SCN9A: variants seen among roughly 807,000 people sequenced by gnomAD.
The protein encoded by SCN9A is sodium channel protein type 9 subunit alpha.
In SCN9A, 131 loss-of-function variants were observed where a neutral mutation model predicts 187.0. That is an observed-to-expected ratio of 0.70 (90% CI 0.61 to 0.81). The LOEUF (loss-of-function observed/expected upper bound fraction) is 0.81. Among genes scored for constraint, SCN9A ranks in the 30% least tolerant of loss-of-function variants. The probability of loss-of-function intolerance (pLI) is 0.00; values close to 1 mark genes in which losing one functional copy is unlikely to be tolerated. For missense variants in SCN9A, 2,252 were observed against 2,396.6 expected (o/e 0.94, Z 1.26); for synonymous variants, 809 against 808.6 (o/e 1.00, Z -0.01).
At chr2:166,360,236 G>C (rs201589695) in intron 1 of SCN9A, among the ~76,000 whole-genome samples, 1 of 43,836 alleles carries the variant, frequency 2.3e-5, no homozygotes. Context: ...AAAAAAAAAA[G>C]AAAAAAAAAA....
At chr2:166,256,190 G>A (rs1696266584) in intron 17 of SCN9A, among the ~76,000 whole-genome samples, 1 of 150,920 alleles carries the variant, frequency 6.6e-6, no homozygotes, top group Non-Finnish European at 1.5e-5. Flanking sequence ...TTTTCCTTCT[G>A]GAGAAATGTG....
chr2:166,293,661 A>T (rs572949523), intron 8 of SCN9A, among the ~76,000 whole-genome samples: 1 of 152,326 alleles, frequency 6.6e-6, no homozygotes, highest in African/African-American at 2.4e-5. Flanking sequence ...CTGCACATAG[A>T]AAGTGTTTAA....
At chr2:166,240,671 C>A (rs1695526441) in intron 19 of SCN9A, among the ~76,000 whole-genome samples, 2 of 152,114 alleles carry the variant, frequency 1.3e-5, no homozygotes, top group South Asian at 4.1e-4. Flanking sequence ...TAGAGCTTTT[C>A]TGATCACATT....
intron 24 of SCN9A, among the ~76,000 whole-genome samples, chr2:166,220,366 G>A (rs944533758): frequency 2.6e-5 from 4 of 152,188 alleles, no homozygotes; most frequent in Non-Finnish European, 5.9e-5. Context: ...AGGTGTTTAA[G>A]TTATGAGAAT....
At position 166,197,049 on chromosome 2, in the gene SCN9A, A is replaced by G. The variant is rs1008494092; in HGVS notation, c.*1623T>C. The G allele has an allele frequency of 6.6e-6, 1 of 151,612 alleles. No homozygotes were observed. The highest frequency in any genetic ancestry group is 1.5e-5 in the Non-Finnish European group (1 of 67,762). The allele number at this position is 151,612 out of a possible 1,614,324, so 9.4% of individuals were successfully genotyped here. On this transcript the variant is annotated 3_prime_UTR_variant, in exon 27 of 27. Coordinates refer to ENST00000642356, the MANE Select transcript of SCN9A (RefSeq NM_001365536.1). ...AAAATATGTGCTTTAAACATTTATT[A>G]TATAAATGTAATTTATTATTTTTTA...
intron 18 of SCN9A, among the ~76,000 whole-genome samples, chr2:166,245,493 G>A (rs1047141598): frequency 6.6e-6 from 1 of 151,728 alleles, no homozygotes; most frequent in Non-Finnish European, 1.5e-5. Flanking sequence ...AGTTTTATAA[G>A]AAGTGATAAA....
At chr2:166,238,682 T>C (rs939773478) in intron 19 of SCN9A, among the ~76,000 whole-genome samples, 3 of 152,210 alleles carry the variant, frequency 2.0e-5, no homozygotes, top group Non-Finnish European at 2.9e-5. Flanking sequence ...CAGTAGGATG[T>C]GGAGCCTGTC....
At chr2:166,325,760 T>C (rs559995442) in intron 1 of SCN9A, among the ~76,000 whole-genome samples, 22 of 152,274 alleles carry the variant, frequency 1.4e-4, no homozygotes, top group African/African-American at 5.3e-4. Context: ...AAAAGAAATG[T>C]ATTTGACTCT....
intron 1 of SCN9A, among the ~76,000 whole-genome samples, chr2:166,359,255 A>C (rs938989834): frequency 1.3e-5 from 2 of 152,122 alleles, no homozygotes; most frequent in African/African-American, 4.8e-5. Flanking sequence ...GAAAATTTCT[A>C]TTTTTATTTT....
intron 17 of SCN9A, among the ~76,000 whole-genome samples, chr2:166,271,083 T>G (rs139223288): frequency 6.6e-6 from 1 of 151,980 alleles, no homozygotes; most frequent in Non-Finnish European, 1.5e-5. Context: ...AAAAAAAGGT[T>G]TTAAAGAGTT....
chr2:166,226,745 A>T (rs1694858879), intron 23 of SCN9A, 41 bp from the exon 24 acceptor site: 2 of 1,451,482 alleles, frequency 1.4e-6, no homozygotes, highest in African/African-American at 2.9e-5. Context: ...GGACAGTAAC[A>T]TTCATTATTT....
chr2:166,265,921 G>A (rs781057597), intron 17 of SCN9A, among the ~76,000 whole-genome samples: 2 of 151,320 alleles, frequency 1.3e-5, no homozygotes, highest in Non-Finnish European at 3.0e-5. Flanking sequence ...TTTTTTTGTC[G>A]TTGTTGAGTT....
intron 22 of SCN9A, 46 bp downstream of exon 22, chr2:166,228,645 C>T (rs1694948874): frequency 9.0e-6 from 13 of 1,440,352 alleles, no homozygotes; most frequent in Non-Finnish European, 1.1e-5. Context: ...TATCCTTCGT[C>T]CAATATCTAT....
At chr2:166,231,913 G>A (rs1035477092) in intron 21 of SCN9A, among the ~76,000 whole-genome samples, 2 of 152,118 alleles carry the variant, frequency 1.3e-5, no homozygotes, top group African/African-American at 4.8e-5. Flanking sequence ...AAGGTAGGGA[G>A]GCAGTTAAGT....
Position 166,281,660 on chromosome 2 carries a change from A to G in SCN9A, c.2104+19T>C, listed in dbSNP as rs1337605300. 6.2e-7 allele frequency: 1 copy of G among 1,607,744 alleles called. No homozygotes were observed. Among genetic ancestry groups the G allele is most frequent in the African/African-American group, 1.3e-5 (1 of 74,738 alleles). Reference sequence around the variant, plus strand: ...ATTTTATTTAAGAATCTGTACAGTAAAAGAAGATTATTACATACCTTCCAC... The same window carrying G: ...ATTTTATTTAAGAATCTGTACAGTAGAAGAAGATTATTACATACCTTCCAC... On this transcript the variant is annotated intron_variant, in intron 13 of 26. Transcript: ENST00000642356.
chr2:166,235,167 G>A (rs185833743), intron 20 of SCN9A, among the ~76,000 whole-genome samples: 3 of 152,016 alleles, frequency 2.0e-5, no homozygotes, highest in East Asian at 3.9e-4. Flanking sequence ...GCAATAAAAG[G>A]TAGACTAAGA....
chr2:166,256,285 A>C (rs1185434385), intron 17 of SCN9A, among the ~76,000 whole-genome samples: 1 of 151,262 alleles, frequency 6.6e-6, no homozygotes, highest in Non-Finnish European at 1.5e-5. Flanking sequence ...CTTGAGTGTA[A>C]TCACATTTCT....
chr2:166,216,830 A>G (rs1694349815), intron 24 of SCN9A, among the ~76,000 whole-genome samples: 1 of 152,088 alleles, frequency 6.6e-6, no homozygotes, highest in Non-Finnish European at 1.5e-5. Context: ...CTACAGATTC[A>G]ATGCAATCCC....
intron 7 of SCN9A, 93 bp from the exon 8 acceptor site, chr2:166,294,755 T>C: frequency 1.3e-6 from 1 of 793,070 alleles, no homozygotes; most frequent in Non-Finnish European, 1.9e-6. Context: ...GACATTTATC[T>C]ACAAATTCAG....
Sources: allele counts gnomAD v4.1 joint callset (sites outside exome capture counted in the v4.1 genomes callset), GRCh38; gene constraint gnomAD v4.1.1; transcripts MANE v1.5; gene names NCBI Gene and HGNC (gene_info 2026-07-23, HGNC 2026-07-21).